Variants in SEC11C observed in about 807,000 individuals in gnomAD.
SEC11C encodes SEC11 homolog C, signal peptidase complex subunit, also known as signal peptidase complex catalytic subunit SEC11C.
In SEC11C, 10 loss-of-function variants were observed where a neutral mutation model predicts 21.9. The observed-to-expected ratio is 0.46, with a 90% CI of 0.28 to 0.77. SEC11C has a LOEUF of 0.77. Among genes scored for constraint, SEC11C ranks in the 30% least tolerant of loss-of-function variants. The probability of loss-of-function intolerance (pLI) is 0.12; values close to 1 mark genes in which losing one functional copy is unlikely to be tolerated. For synonymous variants in SEC11C, 83 were observed against 85.6 expected (o/e 0.97, Z 0.17); for missense variants, 145 against 244.5 (o/e 0.59, Z 2.71).
At chr18:59,140,410 C>T (rs1423164248) in intron 1 of SEC11C, among the ~76,000 whole-genome samples, 2 of 152,212 alleles carry the variant, frequency 1.3e-5, no homozygotes, top group Non-Finnish European at 2.9e-5. Flanking sequence ...TGTGGGGCTT[C>T]AGAGGCCTGA....
intron 1 of SEC11C, among the ~76,000 whole-genome samples, chr18:59,144,763 A>G (rs994966518): frequency 6.6e-5 from 10 of 151,324 alleles, no homozygotes. Flanking sequence ...GCTAGAAACA[A>G]AAAAAAAGGA....
At chr18:59,141,321 T>G (rs2069207650) in intron 1 of SEC11C, among the ~76,000 whole-genome samples, 1 of 152,210 alleles carries the variant, frequency 6.6e-6, no homozygotes, top group Non-Finnish European at 1.5e-5. Flanking sequence ...ATCACCAGCT[T>G]AAAAAAGTAA....
At chr18:59,155,939 A>G (rs2144044464) in intron 4 of SEC11C, 132 bp downstream of exon 4, 2 of 1,071,608 alleles carry the variant, frequency 1.9e-6, no homozygotes, top group Non-Finnish European at 1.3e-6. Flanking sequence ...GTTCTAGTTT[A>G]TCCTGTGAAG....
At chr18:59,147,968 G>A (rs1045293727) in intron 1 of SEC11C, 3 of 152,302 alleles carry the variant, frequency 2.0e-5, no homozygotes, top group African/African-American at 7.2e-5. Flanking sequence ...GTACACAGAA[G>A]TGAGCACAGA....
chr18:59,155,278 G>A (rs572406924), intron 3 of SEC11C, among the ~76,000 whole-genome samples: 9 of 152,290 alleles, frequency 5.9e-5, no homozygotes, highest in African/African-American at 2.2e-4. Context: ...TTGCACAGAG[G>A]TGATTCACAT....
intron 4 of SEC11C, chr18:59,156,613 CAGA>C (rs1255810638): frequency 6.6e-6 from 1 of 152,230 alleles, no homozygotes; most frequent in Admixed American, 6.5e-5. Context: ...ATTGACATAA[CAGA>C]GAATGTATCC....
At chr18:59,140,828 A>G (rs531370193) in intron 1 of SEC11C, among the ~76,000 whole-genome samples, 8 of 152,170 alleles carry the variant, frequency 5.3e-5, no homozygotes, top group African/African-American at 1.7e-4. Flanking sequence ...TCTCTTCACT[A>G]TAAGGTTAAG....
At chr18:59,158,245 G>A (rs2069441067) in intron 5 of SEC11C, among the ~76,000 whole-genome samples, 2 of 152,166 alleles carry the variant, frequency 1.3e-5, no homozygotes, top group South Asian at 4.1e-4. Flanking sequence ...TAGTAGAGAC[G>A]GGGTTTTGCC....
At chr18:59,153,097 GC>G (rs2069377686) in intron 3 of SEC11C, 1 of 154,752 alleles carries the variant, frequency 6.5e-6, no homozygotes, top group Non-Finnish European at 1.4e-5. Flanking sequence ...GGCCAAAGTG[GC>G]ATTTTCAGCA....
Position 59,155,763 on chromosome 18 carries a change from C to A in SEC11C, c.423C>A (p.Gly141=). The A allele has an allele frequency of 1.2e-6, 2 of 1,613,748 alleles. No individual in the cohort carries two copies. The highest frequency in any genetic ancestry group is 1.7e-6 in the Non-Finnish European group (2 of 1,179,886). Residue 141 remains glycine (G), a synonymous_variant, in exon 4 of 6, where the codon GGC becomes GGA. Transcript: ENST00000587834. ...ATGATAGAGGCTTGTACAAAGAAGG[C>A]CAGAACTGGCTGGAAAAGAAGGACG... ...EVDDRGLYKE[G]QNWLEKKDVV... is the part of the protein sequence containing the mutation.
In SEC11C at chr18:59,139,926, G is replaced by C. The variant is rs1392986404; in HGVS notation, c.-23G>C. 1 of 1,503,052 alleles carries C rather than the reference G, an allele frequency of 6.7e-7. No individual in the cohort carries two copies. The highest frequency in any genetic ancestry group is 2.2e-5 in the Admixed American group (1 of 45,666). 93.1% of individuals were successfully genotyped at this position (1,503,052 alleles called of 1,614,324 possible). ...CTGTGCCACCCAGAGCCGGCGGGCC[G>C]CTAGGTCCCCGGAGACCCTGCTATG... On this transcript the variant is annotated 5_prime_UTR_variant, in exon 1 of 6. Transcript: ENST00000587834.
chr18:59,148,268 C>T (rs1410405430), intron 1 of SEC11C, among the ~76,000 whole-genome samples: 4 of 152,210 alleles, frequency 2.6e-5, no homozygotes, highest in Non-Finnish European at 2.9e-5. Context: ...CTGGCAATGC[C>T]GTGAGGGGCT....
chr18:59,145,038 G>A (rs1014255716), intron 1 of SEC11C, among the ~76,000 whole-genome samples: 2 of 152,160 alleles, frequency 1.3e-5, no homozygotes, highest in Non-Finnish European at 2.9e-5. Context: ...AGGCTGAAAT[G>A]ATCCCTACTT....
chr18:59,148,992 G>C (rs2069314620), intron 1 of SEC11C, among the ~76,000 whole-genome samples: 1 of 152,238 alleles, frequency 6.6e-6, no homozygotes, highest in African/African-American at 2.4e-5. Flanking sequence ...CAGGTGTTTA[G>C]AGTTTCTGTT....
At chr18:59,145,654 C>A (rs1203101094) in intron 1 of SEC11C, among the ~76,000 whole-genome samples, 1 of 152,266 alleles carries the variant, frequency 6.6e-6, no homozygotes. Flanking sequence ...TAGTGGGATG[C>A]AATCAAAGGG....
intron 1 of SEC11C, chr18:59,147,725 TGAGACCCCTC>T (rs1285113981): frequency 6.7e-6 from 1 of 148,478 alleles, no homozygotes; most frequent in African/African-American, 2.4e-5. Context: ...AGAGAAGCAG[TGAGACCCCTC>T]GCTCTCCTTG....
At position 59,152,541 on chromosome 18, in the gene SEC11C, G is replaced by T; in HGVS notation, c.203G>T (p.Ser68Ile). ...ESPIVVVLSG[S>I]MEPAFHRGDL... ...GACTTTGTGCTTCTTTCCAGTGGCAGTATGGAGCCGGCCTTTCACAGAGGA... is the reference window on the plus strand; with the variant it reads ...GACTTTGTGCTTCTTTCCAGTGGCATTATGGAGCCGGCCTTTCACAGAGGA... The change falls in exon 3 of 6, where the codon AGT becomes ATT. Residue 68 changes from serine (S) to isoleucine (I), a missense_variant. Ser to Ile is a moderately radical substitution (Grantham distance 142). Transcript: ENST00000587834. 1 of 1,601,658 alleles carries T rather than the reference G, an allele frequency of 6.2e-7. No homozygotes were observed. The highest frequency in any genetic ancestry group is 1.3e-5 in the African/African-American group (1 of 74,200).
At chr18:59,152,880 G>T in intron 3 of SEC11C, 195 bp downstream of exon 3, 1 of 445,812 alleles carries the variant, frequency 2.2e-6, no homozygotes, top group Non-Finnish European at 3.9e-6. Context: ...CTCACAAAGT[G>T]ATTATGAGAA....
At chr18:59,153,926 C>T (rs186397109) in intron 3 of SEC11C, among the ~76,000 whole-genome samples, 3 of 152,184 alleles carry the variant, frequency 2.0e-5, no homozygotes, top group Admixed American at 6.5e-5. Flanking sequence ...AGGCTGATCT[C>T]GAACTCCTGA....
Sources: gnomAD v4.1 joint callset for allele counts (sites outside exome capture counted in the v4.1 genomes callset) on GRCh38, gnomAD v4.1.1 for gene constraint, MANE v1.5 for transcripts, NCBI Gene and HGNC (gene_info 2026-07-23, HGNC 2026-07-21) for gene names.